Variants in MFSD11 observed in about 807,000 individuals in gnomAD.
MFSD11 encodes the protein UNC93-like protein MFSD11.
A neutral mutation model predicts 53.5 loss-of-function variants in MFSD11; 36 were observed. The observed-to-expected ratio is 0.67, with a 90% CI of 0.52 to 0.89. The LOEUF is 0.89. Among genes scored for constraint, MFSD11 ranks in the 40% least tolerant of loss-of-function variants. The probability of loss-of-function intolerance (pLI) is 0.00; values close to 1 mark genes in which losing one functional copy is unlikely to be tolerated. For synonymous variants in MFSD11, 186 were observed against 184.9 expected (o/e 1.01, Z -0.05); for missense variants, 530 against 543.9 (o/e 0.97, Z 0.25).
chr17:76,748,681 G>A (rs1598539401), intron 7 of MFSD11, among the ~76,000 whole-genome samples: 3 of 149,038 alleles, frequency 2.0e-5, no homozygotes, highest in African/African-American at 7.4e-5. Context: ...GCAAGACCCT[G>A]TCTTAAAAAA....
intron 7 of MFSD11, among the ~76,000 whole-genome samples, chr17:76,752,149 T>C (rs2079101813): frequency 6.6e-6 from 1 of 152,186 alleles, no homozygotes; most frequent in Non-Finnish European, 1.5e-5. Flanking sequence ...GTATTATAGC[T>C]CAGGCGTGTT....
rs565830542 is a variant in MFSD11 at position 76,752,675 on chromosome 17, C to T, written c.642-1372C>T. Among the ~76,000 whole-genome samples the T allele has an allele frequency of 9.0e-4, 137 of 152,124 alleles. No homozygotes were observed. The South Asian group carries it at 0.015, about 17-fold the overall frequency. ...CCTCCCAAAGTGCTGGGGTTCCAGG[C>T]GTGAGCCACCACACCCTGCCCAAGT... On this transcript the variant is annotated intron_variant, in intron 7 of 12. Coordinates refer to ENST00000685175, the MANE Select transcript of MFSD11 (RefSeq NM_001242532.5).
At chr17:76,745,100 A>G (rs1333611015) in intron 7 of MFSD11, among the ~76,000 whole-genome samples, 3 of 152,228 alleles carry the variant, frequency 2.0e-5, no homozygotes, top group Non-Finnish European at 2.9e-5. Context: ...GATCTGCAGT[A>G]TCATTTAGAT....
At chr17:76,802,823 G>A in the MFSD11 span, among the ~76,000 whole-genome samples, 1 of 152,074 alleles carries the variant, frequency 6.6e-6, no homozygotes, top group African/African-American at 2.4e-5. Context: ...TCACCTTGGG[G>A]TCAGCACCTA....
upstream of MFSD11, chr17:76,736,782 C>T (rs2077523727): frequency 2.1e-6 from 3 of 1,427,976 alleles, no homozygotes; most frequent in Non-Finnish European, 2.7e-6. Context: ...TCCCGCGGTC[C>T]CCTCAGCCCC....
intron 8 of MFSD11, among the ~76,000 whole-genome samples, chr17:76,760,070 C>A (rs2080062103): frequency 6.6e-6 from 1 of 151,118 alleles, no homozygotes; most frequent in Non-Finnish European, 1.5e-5. Flanking sequence ...GAGTTCGAGA[C>A]CAGCCTGGCC....
chr17:76,801,075 GA>G, the MFSD11 span, among the ~76,000 whole-genome samples: 3,434 of 139,936 alleles, frequency 0.025, 131 homozygotes, highest in African/African-American at 0.081. Flanking sequence ...GACTCGGTCT[GA>G]AAAAAAAAAA....
upstream of MFSD11, chr17:76,736,972 G>A (rs1176463751): frequency 6.8e-6 from 11 of 1,613,542 alleles, no homozygotes; most frequent in South Asian, 1.2e-4. Context: ...CGCGCTTGTC[G>A]TGAAAGCGAA....
chr17:76,772,690 G>A (rs1340588566), intron 10 of MFSD11, among the ~76,000 whole-genome samples: 5 of 151,632 alleles, frequency 3.3e-5, no homozygotes, highest in African/African-American at 1.2e-4. Flanking sequence ...GCTAATTTTT[G>A]TATTTTTAGT....
At chr17:76,744,202 G>T in intron 6 of MFSD11, 120 bp from the exon 7 acceptor site, 1 of 893,164 alleles carries the variant, frequency 1.1e-6, no homozygotes, top group Non-Finnish European at 1.6e-6. Flanking sequence ...TTTTACTGAT[G>T]CATTAAAGTA....
intron 8 of MFSD11, among the ~76,000 whole-genome samples, chr17:76,763,271 G>GT (rs1000896502): frequency 0.013 from 1,947 of 144,282 alleles, 40 homozygotes; most frequent in African/African-American, 0.044. Flanking sequence ...TTTGTTTTTT[G>GT]TTTTTTTTTT....
rs2078801432 is a variant in MFSD11, at chr17:76,749,002, T to C, written c.641+4536T>C. Among the ~76,000 whole-genome samples the C allele has an allele frequency of 2.6e-5, 4 of 152,176 alleles. No homozygotes were observed. In the South Asian group the frequency reaches 8.3e-4, roughly 31 times the overall value. Reference sequence around the variant, plus strand: ...AATAAAACAGAAGTTTGTGCATTCATGGAGCTTACTTTCTAGTTGGTGACA... The same window carrying C: ...AATAAAACAGAAGTTTGTGCATTCACGGAGCTTACTTTCTAGTTGGTGACA... On this transcript the variant is annotated intron_variant, in intron 7 of 12. Coordinates refer to ENST00000685175, the MANE Select transcript of MFSD11 (RefSeq NM_001242532.5).
At chr17:76,794,281 C>T in the MFSD11 span, among the ~76,000 whole-genome samples, 5 of 150,864 alleles carry the variant, frequency 3.3e-5, no homozygotes, top group East Asian at 3.9e-4. Context: ...GTCAGGAGTT[C>T]GAGACCAGCC....
At chr17:76,788,854 A>C in the MFSD11 span, among the ~76,000 whole-genome samples, 33 of 146,818 alleles carry the variant, frequency 2.2e-4, 3 homozygotes, top group Non-Finnish European at 3.0e-4. Context: ...ATCAATCAAT[A>C]AATAAGATCG....
At chr17:76,782,159 G>A (rs914512259), downstream of MFSD11, among the ~76,000 whole-genome samples, 1 of 148,448 alleles carries the variant, frequency 6.7e-6, no homozygotes, top group South Asian at 2.1e-4. Context: ...AGTTTGTTGC[G>A]CTTTTATTCA....
chr17:76,790,269 G>A, the MFSD11 span, among the ~76,000 whole-genome samples: 234 of 146,900 alleles, frequency 1.6e-3, 4 homozygotes, highest in African/African-American at 5.2e-3. Context: ...GTTTCACCAT[G>A]TTGGCCAGTC....
the MFSD11 span, among the ~76,000 whole-genome samples, chr17:76,787,426 C>T: frequency 2.3e-4 from 34 of 150,130 alleles, no homozygotes; most frequent in East Asian, 6.0e-3. Flanking sequence ...CATGAGCCAC[C>T]GCACCCGACC....
rs1384790852 is a variant in MFSD11 at position 76,769,994 on chromosome 17, CGT to C, written c.874+128_874+129del. 4 of 837,192 alleles carry C rather than the reference CGT, an allele frequency of 4.8e-6. No individual in the cohort carries two copies. In the African/African-American group the frequency reaches 7.4e-5, roughly 15 times the overall value. 51.9% of individuals were successfully genotyped at this position (837,192 alleles called of 1,614,324 possible). A position where few individuals can be genotyped will look rare whatever the true frequency, so the allele number is the denominator to read the frequency against. On this transcript the variant is annotated intron_variant, in intron 10 of 12. Transcript: ENST00000685175. The stretch of plus-strand genomic sequence containing the variant: ...TTTTTTCTACTTATTTTTACCCAAA[CGT>C]GTGTTTTTATTTTTCTATTATTGCT...
At chr17:76,745,784 A>T (rs980044092) in intron 7 of MFSD11, among the ~76,000 whole-genome samples, 1 of 151,278 alleles carries the variant, frequency 6.6e-6, no homozygotes, top group Non-Finnish European at 1.5e-5. Context: ...TGAAAGGAAG[A>T]CATGCATGTC....
Sources: allele counts gnomAD v4.1 joint callset (sites outside exome capture counted in the v4.1 genomes callset), GRCh38; gene constraint gnomAD v4.1.1; transcripts MANE v1.5; gene names NCBI Gene and HGNC (gene_info 2026-07-23, HGNC 2026-07-21).